Variants in PARD3 observed in about 807,000 individuals in gnomAD.
PARD3 encodes the protein par-3 family cell polarity regulator.
A neutral mutation model predicts 155.4 loss-of-function variants in PARD3; 75 were observed. The observed-to-expected ratio is 0.48, with a 90% CI of 0.40 to 0.58. The LOEUF is 0.58. PARD3 is among the 20% of genes least tolerant of loss of function. The pLI, the probability that PARD3 is intolerant of heterozygous loss-of-function variation, is 0.00. For missense variants in PARD3, 1,642 were observed against 1,721.7 expected, an observed-to-expected ratio of 0.95 and a Z score of 0.82; for synonymous variants, 576 against 610.5, an observed-to-expected ratio of 0.94 and a Z score of 0.83.
intron 22 of PARD3, among the ~76,000 whole-genome samples, chr10:34,205,942 C>T (rs113071238): frequency 0.012 from 1,787 of 152,256 alleles, 27 homozygotes; most frequent in African/African-American, 0.041. Flanking sequence ...GGCTGAGGAC[C>T]GATGCTGATG....
chr10:34,396,617 T>A (rs565359294), intron 7 of PARD3, among the ~76,000 whole-genome samples: 2 of 152,334 alleles, frequency 1.3e-5, no homozygotes, highest in South Asian at 4.1e-4. Flanking sequence ...TTGTCACTTT[T>A]ATAAAAGTAA....
intron 5 of PARD3, among the ~76,000 whole-genome samples, chr10:34,416,831 A>G (rs901881085): frequency 3.3e-5 from 5 of 152,254 alleles, no homozygotes; most frequent in Non-Finnish European, 7.3e-5. Context: ...TGTAATGGCC[A>G]GATTGAAATG....
At chr10:34,336,146 T>C in intron 18 of PARD3, 53 bp downstream of exon 18, 1 of 1,324,178 alleles carries the variant, frequency 7.6e-7, no homozygotes, top group South Asian at 1.2e-5. Context: ...ATAATTGTGA[T>C]AAGCTATGTG....
intron 4 of PARD3, among the ~76,000 whole-genome samples, chr10:34,460,003 GA>G (rs2077546570): frequency 1.3e-5 from 2 of 152,122 alleles, no homozygotes; most frequent in African/African-American, 4.8e-5. Flanking sequence ...TCTTAATGTA[GA>G]AAGTGCTTAT....
At chr10:34,637,650 G>A (rs2092529346) in intron 2 of PARD3, among the ~76,000 whole-genome samples, 1 of 152,196 alleles carries the variant, frequency 6.6e-6, no homozygotes, top group Non-Finnish European at 1.5e-5. Flanking sequence ...AGGCTGGTGT[G>A]CAATCACGCT....
chr10:34,499,426 T>C (rs148292523), intron 3 of PARD3, among the ~76,000 whole-genome samples: 2 of 152,182 alleles, frequency 1.3e-5, no homozygotes, highest in Middle Eastern at 3.2e-3. Context: ...GGTGAGGATA[T>C]AGACACAAAA....
At chr10:34,670,517 G>A (rs1484693388) in intron 2 of PARD3, among the ~76,000 whole-genome samples, 1 of 152,156 alleles carries the variant, frequency 6.6e-6, no homozygotes, top group African/African-American at 2.4e-5. Flanking sequence ...TTCACTTTGG[G>A]ACCTTTGCGG....
At chr10:34,192,139 C>T (rs538838292) in intron 22 of PARD3, among the ~76,000 whole-genome samples, 1 of 152,044 alleles carries the variant, frequency 6.6e-6, no homozygotes, top group South Asian at 2.1e-4. Flanking sequence ...GAGTGCCCGG[C>T]TCATTGCAAC....
intron 2 of PARD3, among the ~76,000 whole-genome samples, chr10:34,633,190 C>T (rs2489662): frequency 0.36 from 55,216 of 152,018 alleles, 10,202 homozygotes; most frequent in South Asian, 0.43. Flanking sequence ...ATGAAATTTA[C>T]TCTCAGCAGT....
chr10:34,415,789 C>CCTAT (rs1267045208), intron 5 of PARD3, among the ~76,000 whole-genome samples: 1 of 152,154 alleles, frequency 6.6e-6, no homozygotes, highest in Non-Finnish European at 1.5e-5. Context: ...TGGTCCTGAA[C>CCTAT]ATAGAATTGC....
chr10:34,344,618 C>T, intron 15 of PARD3: 1 of 985,290 alleles, frequency 1.0e-6, no homozygotes, highest in Non-Finnish European at 1.2e-6. Flanking sequence ...TTAAGAGAGA[C>T]CAACCATTAG....
At chr10:34,344,807 GAAATC>G (rs1363664668) in intron 15 of PARD3, 8 of 985,262 alleles carry the variant, frequency 8.1e-6, no homozygotes, top group African/African-American at 1.7e-5. Flanking sequence ...AAAAGCTAAG[GAAATC>G]CTAATCAGGT....
At chr10:34,579,909 A>G (rs1479283809) in intron 2 of PARD3, among the ~76,000 whole-genome samples, 2 of 114,798 alleles carry the variant, frequency 1.7e-5, no homozygotes, top group African/African-American at 1.1e-4. Context: ...TTCACTACAG[A>G]AAAAAAAAAA....
intron 4 of PARD3, among the ~76,000 whole-genome samples, chr10:34,459,431 A>G (rs1324630344): frequency 6.6e-6 from 1 of 152,040 alleles, no homozygotes; most frequent in African/African-American, 2.4e-5. Flanking sequence ...TCGGCCTCCC[A>G]AAGTGCTGGG....
chr10:34,118,560 G>C (rs986756136), intron 24 of PARD3, among the ~76,000 whole-genome samples: 11 of 152,038 alleles, frequency 7.2e-5, no homozygotes, highest in Admixed American at 3.3e-4. Flanking sequence ...TGCCCAGGCT[G>C]GTCTCGAACT....
chr10:34,739,825 A>C (rs903148879), intron 1 of PARD3, among the ~76,000 whole-genome samples: 1 of 152,190 alleles, frequency 6.6e-6, no homozygotes, highest in East Asian at 1.9e-4. Flanking sequence ...GCAAGATTCT[A>C]TGCATAGAGG....
chr10:34,403,803 C>A (rs971983878), intron 5 of PARD3, among the ~76,000 whole-genome samples: 32 of 152,216 alleles, frequency 2.1e-4, no homozygotes, highest in Admixed American at 2.0e-3. Flanking sequence ...CTCCCAAAAT[C>A]ATGCTTTTCC....
At chr10:34,231,052 C>T (rs1952899168) in intron 22 of PARD3, among the ~76,000 whole-genome samples, 1 of 151,794 alleles carries the variant, frequency 6.6e-6, no homozygotes, top group Admixed American at 6.6e-5. Context: ...CCAACTGAAA[C>T]TCAGGTTACT....
At chr10:34,411,301 T>C (rs1431937247) in intron 5 of PARD3, among the ~76,000 whole-genome samples, 1 of 152,206 alleles carries the variant, frequency 6.6e-6, no homozygotes, top group Non-Finnish European at 1.5e-5. Context: ...GTGAAGTATA[T>C]ATGTCAACTT....
Sources: allele counts gnomAD v4.1 joint callset (sites outside exome capture counted in the v4.1 genomes callset), GRCh38; gene constraint gnomAD v4.1.1; transcripts MANE v1.5; gene names NCBI Gene and HGNC (gene_info 2026-07-23, HGNC 2026-07-21).